Variants in METTL15 observed in about 807,000 individuals in gnomAD.
METTL15 encodes the protein 12S rRNA N(4)-cytidine methyltransferase METTL15.
In METTL15, 34 loss-of-function variants were observed where a neutral mutation model predicts 38.3. That is an observed-to-expected ratio of 0.89 (90% CI 0.68 to 1.18). The LOEUF (loss-of-function observed/expected upper bound fraction) is 1.18, where lower values mean the gene tolerates loss of function less well. Ranked by LOEUF, METTL15 falls within the 50% of genes most tolerant of loss-of-function variation. The probability of loss-of-function intolerance (pLI) is 0.00; values close to 1 mark genes in which losing one functional copy is unlikely to be tolerated. For missense variants in METTL15, 438 were observed against 498.4 expected (o/e 0.88, Z 1.15); for synonymous variants, 162 against 170.9 (o/e 0.95, Z 0.41).
chr11:28,153,076 T>G (rs1350033959), intron 3 of METTL15, among the ~76,000 whole-genome samples: 3 of 152,046 alleles, frequency 2.0e-5, no homozygotes, highest in African/African-American at 4.8e-5. Context: ...GATGTCACTT[T>G]CATGGCCATC....
intron 3 of METTL15, among the ~76,000 whole-genome samples, chr11:28,124,089 G>A (rs773433038): frequency 6.6e-6 from 1 of 152,108 alleles, no homozygotes; most frequent in Non-Finnish European, 1.5e-5. Context: ...AGAAGGACAG[G>A]AAATGTCTCT....
At position 28,330,569 on chromosome 11, in the gene METTL15, G is replaced by A. The variant is rs1849783649; in HGVS notation, c.952G>A (p.Ala318Thr). The A allele has an allele frequency of 3.2e-6, 5 of 1,551,532 alleles. No individual in the cohort carries two copies. The highest frequency in any genetic ancestry group is 3.5e-6 in the Non-Finnish European group (4 of 1,146,910). ...TCTGAGACCTGGTGGTCGTCTTGTT[G>A]CCCTCTCCTTCCATTCACTAGAGGA... ...KFLRPGGRLV[A>T]LSFHSLEDRI... Residue 318 changes from alanine to threonine, a missense_variant, in exon 7 of 7, where the codon GCC becomes ACC. By Grantham distance (58) the Ala-to-Thr change is moderately conservative (BLOSUM62 0). Transcript: ENST00000407364.
intron 6 of METTL15, among the ~76,000 whole-genome samples, chr11:28,323,661 G>C (rs1185235277): frequency 6.6e-6 from 1 of 152,184 alleles, no homozygotes; most frequent in Admixed American, 6.5e-5. Context: ...TCAGTCTGGT[G>C]GATGTGTGGA....
chr11:28,505,073 G>A (rs993707793), intron 6 of METTL15, among the ~76,000 whole-genome samples: 1 of 152,192 alleles, frequency 6.6e-6, no homozygotes, highest in Non-Finnish European at 1.5e-5. Flanking sequence ...GGCATAAAGA[G>A]CCAGGACTGG....
At chr11:28,299,979 A>G (rs1372541129) in intron 6 of METTL15, among the ~76,000 whole-genome samples, 1 of 151,996 alleles carries the variant, frequency 6.6e-6, no homozygotes, top group Non-Finnish European at 1.5e-5. Flanking sequence ...CTCTTCTTAT[A>G]AGGACACCAG....
chr11:28,272,324 C>T (rs1262407310), intron 4 of METTL15, among the ~76,000 whole-genome samples: 1 of 152,106 alleles, frequency 6.6e-6, no homozygotes, highest in Non-Finnish European at 1.5e-5. Flanking sequence ...AACTCAAAAG[C>T]CCATCAGTGA....
At chr11:28,429,397 AC>A (rs1850893339) in intron 6 of METTL15, among the ~76,000 whole-genome samples, 1 of 19,718 alleles carries the variant, frequency 5.1e-5, no homozygotes, top group African/African-American at 2.1e-4. Context: ...CCCTCTCCCC[AC>A]GGTCTCCCTC....
intron 5 of METTL15, among the ~76,000 whole-genome samples, chr11:28,421,456 G>A (rs573766992): frequency 5.3e-5 from 8 of 151,958 alleles, no homozygotes; most frequent in South Asian, 2.1e-4. Flanking sequence ...TACAAAAATC[G>A]TCAACAGTAT....
At chr11:28,109,818 T>G (rs1244693855) in intron 1 of METTL15, among the ~76,000 whole-genome samples, 1 of 152,218 alleles carries the variant, frequency 6.6e-6, no homozygotes, top group East Asian at 1.9e-4. Context: ...CACTTGCCAT[T>G]TAACAGTGTT....
intron 6 of METTL15, among the ~76,000 whole-genome samples, chr11:28,463,239 T>A (rs1311441475): frequency 6.6e-6 from 1 of 152,132 alleles, no homozygotes; most frequent in Non-Finnish European, 1.5e-5. Flanking sequence ...TCCATACATG[T>A]CTTATCCAAA....
intron 3 of METTL15, among the ~76,000 whole-genome samples, chr11:28,205,109 T>G (rs891953590): frequency 1.3e-5 from 2 of 151,972 alleles, no homozygotes; most frequent in Non-Finnish European, 2.9e-5. Flanking sequence ...TTTTATTTAA[T>G]TTTTATTTTA....
intron 3 of METTL15, among the ~76,000 whole-genome samples, chr11:28,194,893 C>T (rs1851853817): frequency 6.6e-6 from 1 of 151,804 alleles, no homozygotes; most frequent in Admixed American, 6.6e-5. Flanking sequence ...CGTTATACCC[C>T]TCTGTCTGCC....
chr11:28,378,244 C>A (rs1850341624), intron 5 of METTL15, among the ~76,000 whole-genome samples: 1 of 152,216 alleles, frequency 6.6e-6, no homozygotes. Context: ...GGCGGGCGCC[C>A]CTCCCCCAGC....
At chr11:28,516,574 T>C (rs1851721203) in intron 6 of METTL15, among the ~76,000 whole-genome samples, 1 of 152,216 alleles carries the variant, frequency 6.6e-6, no homozygotes, top group Non-Finnish European at 1.5e-5. Flanking sequence ...AAGTGCCTAC[T>C]TTTTGCTTGG....
chr11:28,163,764 C>CT (rs1469493292), intron 3 of METTL15: 5 of 245,222 alleles, frequency 2.0e-5, no homozygotes, highest in Non-Finnish European at 3.8e-5. Context: ...TTTTTAAGTC[C>CT]TTTTTTTCTG....
chr11:28,376,748 G>A (rs1168804150), intron 5 of METTL15, among the ~76,000 whole-genome samples: 7 of 150,096 alleles, frequency 4.7e-5, no homozygotes, highest in Non-Finnish European at 7.4e-5. Context: ...CAGTTTCTTC[G>A]TAGTCTCGAT....
chr11:28,238,248 G>T (rs1404932218), intron 4 of METTL15, among the ~76,000 whole-genome samples: 2 of 152,190 alleles, frequency 1.3e-5, no homozygotes, highest in Non-Finnish European at 2.9e-5. Flanking sequence ...TTGAGCTGTG[G>T]TGGGCTCCAC....
In METTL15 at chr11:28,331,348, A is replaced by G. The variant is rs903947629; in HGVS notation, c.*507A>G. The G allele has an allele frequency of 6.8e-5, 10 of 147,536 alleles. No individual in the cohort carries two copies. Among genetic ancestry groups the G allele is most frequent in the African/African-American group, 2.5e-4 (10 of 40,468 alleles). The allele number at this position is 147,536 out of a possible 1,614,324, so 9.1% of individuals were successfully genotyped here. A position where few individuals can be genotyped will look rare whatever the true frequency, so the allele number is the denominator to read the frequency against. ...CTTTTTACAAATTTTAAATTTTAAAATATTAGTTTAAATGTGTGTTATACT... is the reference window on the plus strand; with the variant it reads ...CTTTTTACAAATTTTAAATTTTAAAGTATTAGTTTAAATGTGTGTTATACT... On this transcript the variant is annotated 3_prime_UTR_variant, in exon 7 of 7. Coordinates refer to ENST00000407364, the MANE Select transcript of METTL15 (RefSeq NM_001113528.2).
intron 5 of METTL15, 134 bp from the exon 6 acceptor site, chr11:28,296,619 A>G: frequency 2.5e-6 from 2 of 810,856 alleles, no homozygotes; most frequent in South Asian, 3.9e-5. Flanking sequence ...TTAAGGTTTC[A>G]GTTTCTGACT....
Sources: allele counts gnomAD v4.1 joint callset (sites outside exome capture counted in the v4.1 genomes callset), GRCh38; gene constraint gnomAD v4.1.1; transcripts MANE v1.5; gene names NCBI Gene and HGNC (gene_info 2026-07-23, HGNC 2026-07-21).